Variants in PLB1 observed in about 807,000 individuals in gnomAD.
The protein encoded by PLB1 is phospholipase B1.
In PLB1, 242 loss-of-function variants were observed where a neutral mutation model predicts 227.4. The ratio of observed to expected loss-of-function variants is 1.06; its 90% CI spans 0.96 to 1.18. The LOEUF (loss-of-function observed/expected upper bound fraction) is 1.18, where lower values mean the gene tolerates loss of function less well. Among genes scored for constraint, PLB1 ranks in the 50% most tolerant of loss-of-function variants. PLB1 has a pLI of 0.00. For synonymous variants in PLB1, 757 were observed against 682.2 expected (o/e 1.11, Z -1.71); for missense variants, 1,858 against 1,816.3 (o/e 1.02, Z -0.42).
At chr2:28,501,222 G>C (rs1009642324) in intron 1 of PLB1, among the ~76,000 whole-genome samples, 3 of 151,950 alleles carry the variant, frequency 2.0e-5, no homozygotes, top group African/African-American at 7.3e-5. Context: ...TTCACCCACA[G>C]TGCAAATCTG....
In PLB1 at chr2:28,632,940, G is replaced by A; in HGVS notation, c.4003-4G>A. ...GATGATAACCTCCTTGCCGTTGGTT[G>A]CAGAGAGGGGACACTGACCTCACCT... On this transcript the variant is annotated splice_region_variant and splice_polypyrimidine_tract_variant and intron_variant, in intron 55 of 57. Transcript: ENST00000327757. 1 of 1,604,072 alleles carries A rather than the reference G, an allele frequency of 6.2e-7. No individual in the cohort carries two copies. The highest frequency in any genetic ancestry group is 8.5e-7 in the Non-Finnish European group (1 of 1,179,010).
At chr2:28,515,243 A>G (rs192324892) in intron 1 of PLB1, among the ~76,000 whole-genome samples, 1 of 152,054 alleles carries the variant, frequency 6.6e-6, no homozygotes, top group African/African-American at 2.4e-5. Flanking sequence ...AGTGATGATC[A>G]CCTTAAAATC....
chr2:28,529,190 C>A, intron 6 of PLB1, 127 bp from the exon 7 acceptor site: 1 of 642,768 alleles, frequency 1.6e-6, no homozygotes, highest in Non-Finnish European at 2.7e-6. Flanking sequence ...AGTGATCCTC[C>A]TGCCTCAGCC....
chr2:28,501,445 A>G (rs1482785921), intron 1 of PLB1, among the ~76,000 whole-genome samples: 1 of 152,162 alleles, frequency 6.6e-6, no homozygotes, highest in Admixed American at 6.5e-5. Flanking sequence ...TTTCTGTGTA[A>G]TTATATAACC....
chr2:28,546,706 G>A (rs1340913812), intron 14 of PLB1, among the ~76,000 whole-genome samples: 1 of 152,126 alleles, frequency 6.6e-6, no homozygotes, highest in Admixed American at 6.5e-5. Context: ...ATGGAAGCAA[G>A]GAGGATGGAG....
At chr2:28,625,479 C>G (rs1008607495) in intron 50 of PLB1, among the ~76,000 whole-genome samples, 6 of 152,192 alleles carry the variant, frequency 3.9e-5, no homozygotes, top group Admixed American at 2.0e-4. Flanking sequence ...TCCTTCCCCT[C>G]ACCCTGCCCC....
At chr2:28,516,897 G>C in intron 2 of PLB1, 28 bp downstream of exon 2, 1 of 1,605,286 alleles carries the variant, frequency 6.2e-7, no homozygotes, top group Non-Finnish European at 8.5e-7. Flanking sequence ...TGGGAGGTGC[G>C]TGTGTATGGA....
chr2:28,510,406 A>G (rs1489874685), intron 1 of PLB1, among the ~76,000 whole-genome samples: 1 of 152,068 alleles, frequency 6.6e-6, no homozygotes, highest in Non-Finnish European at 1.5e-5. Context: ...AGCTCCAGCT[A>G]TTCTGCCAAG....
chr2:28,606,663 A>C, intron 43 of PLB1, 96 bp downstream of exon 43: 1 of 1,127,466 alleles, frequency 8.9e-7, no homozygotes, highest in Non-Finnish European at 1.3e-6. Context: ...CTCAGTACCC[A>C]TCTTGCCCCC....
intron 33 of PLB1, among the ~76,000 whole-genome samples, chr2:28,596,508 G>A (rs1682937194): frequency 6.6e-6 from 1 of 152,186 alleles, no homozygotes. Context: ...GTGTTTGTGT[G>A]TCTATGTTTA....
At chr2:28,605,805 T>C (rs1361809980) in intron 41 of PLB1, 48 bp from the exon 42 acceptor site, 1 of 1,486,800 alleles carries the variant, frequency 6.7e-7, no homozygotes, top group African/African-American at 1.4e-5. Context: ...TGGTGGTGGC[T>C]CCCTCTGAAC....
At chr2:28,591,995 T>A (rs544882299) in intron 31 of PLB1, among the ~76,000 whole-genome samples, 1 of 152,308 alleles carries the variant, frequency 6.6e-6, no homozygotes, top group South Asian at 2.1e-4. Flanking sequence ...CCTGCCCACC[T>A]GCGCCTCTTA....
At chr2:28,594,285 A>AG in intron 33 of PLB1, 1 of 261,876 alleles carries the variant, frequency 3.8e-6, no homozygotes, top group Admixed American at 4.7e-5. Context: ...ACAAGAGGAA[A>AG]GGGTGAGAAA....
At chr2:28,591,807 C>T (rs1386113467) in intron 31 of PLB1, 47 bp downstream of exon 31, 2 of 1,578,338 alleles carry the variant, frequency 1.3e-6, no homozygotes, top group African/African-American at 1.3e-5. Context: ...TCCACAGGGG[C>T]TGCTATGCTG....
Position 28,540,482 on chromosome 2 carries a change from G to T in PLB1, c.774+41G>T, listed in dbSNP as rs527493540. ...GATCCCAAGCTGCTGGCTCACCGGG[G>T]TGGCGTGGTCGCCAAGGAGAACAGG... On this transcript the variant is annotated intron_variant, in intron 12 of 57. Transcript: ENST00000327757. 2.5e-5 allele frequency: 39 copies of T among 1,576,490 alleles called. No individual in the cohort carries two copies. In the South Asian group the frequency reaches 4.1e-4, roughly 17 times the overall value.
At chr2:28,561,924 G>A (rs1428987143) in intron 17 of PLB1, among the ~76,000 whole-genome samples, 2 of 24,320 alleles carry the variant, frequency 8.2e-5, no homozygotes, top group Non-Finnish European at 4.2e-4. Flanking sequence ...ATTGATACAT[G>A]CTATAACAAA....
intron 36 of PLB1, 122 bp downstream of exon 36, chr2:28,600,982 G>A: frequency 1.1e-6 from 1 of 914,948 alleles, no homozygotes; most frequent in Non-Finnish European, 1.7e-6. Flanking sequence ...TTCAAGCAGT[G>A]GTCGGACAGC....
chr2:28,609,719 ACT>A (rs1200334593), intron 43 of PLB1, among the ~76,000 whole-genome samples: 1 of 125,496 alleles, frequency 8.0e-6, no homozygotes, highest in Non-Finnish European at 1.7e-5. Context: ...GTCTTCCCAA[ACT>A]CTCTGTTCCT....
At chr2:28,630,761 C>A in intron 54 of PLB1, 97 bp downstream of exon 54, 1 of 963,140 alleles carries the variant, frequency 1.0e-6, no homozygotes, top group Non-Finnish European at 1.6e-6. Flanking sequence ...TGGCCAAGAG[C>A]AAGCCACTCC....
Sources: allele counts gnomAD v4.1 joint callset (sites outside exome capture counted in the v4.1 genomes callset), GRCh38; gene constraint gnomAD v4.1.1; transcripts MANE v1.5; gene names NCBI Gene and HGNC (gene_info 2026-07-23, HGNC 2026-07-21).